The following DMWD variants were observed in gnomAD, a reference collection of about 807,000 sequenced individuals.
DMWD encodes the protein dystrophia myotonica WD repeat-containing protein.
DMWD carries 19 observed loss-of-function variants against 45.8 expected under a neutral mutation model. The observed-to-expected ratio is 0.41, with a 90% CI of 0.29 to 0.61. DMWD has a LOEUF of 0.61. DMWD is among the 20% of genes least tolerant of loss of function. The pLI, the probability that DMWD is intolerant of heterozygous loss-of-function variation, is 0.25. For synonymous variants in DMWD, 515 were observed against 440.5 expected (o/e 1.17, Z -2.12); for missense variants, 802 against 965.2 (o/e 0.83, Z 2.24).
chr19:45,788,626 G>A (rs1431779669), intron 2 of DMWD, among the ~76,000 whole-genome samples: 3 of 152,142 alleles, frequency 2.0e-5, no homozygotes, highest in Non-Finnish European at 2.9e-5. Context: ...AGCTGGCCCC[G>A]ATACTCAGAA....
rs369134551 is a variant in DMWD, at chr19:45,786,182, C to T, written c.1314G>A (p.Thr438=). ...TYRFGSAGQD[T]QFCLWDLTED... is the part of the protein sequence containing the mutation. Reference sequence around the variant, plus strand: ...CAGTGAGGTCCCACAGGCAGAACTGCGTGTCCTGGCCCGCCGAGCCAAAGC... The same window carrying T: ...CAGTGAGGTCCCACAGGCAGAACTGTGTGTCCTGGCCCGCCGAGCCAAAGC... The change falls in exon 3 of 5, where the codon ACG becomes ACA. Residue 438 remains threonine, a synonymous_variant. Coordinates refer to ENST00000270223, the MANE Select transcript of DMWD (RefSeq NM_004943.2). 4.1e-5 allele frequency: 66 copies of T among 1,603,366 alleles called. 1 individual carries two copies. The South Asian group carries it at 4.3e-4, about 11-fold the overall frequency.
At chr19:45,784,741 A>G in intron 3 of DMWD, 26 bp from the exon 4 acceptor site, 1 of 1,610,644 alleles carries the variant, frequency 6.2e-7, no homozygotes, top group Non-Finnish European at 8.5e-7. Flanking sequence ...GGTCTCTTTT[A>G]GGACTCAACC....
rs150488722 is a variant in DMWD, at chr19:45,788,042, A to C, written c.625-1171T>G. ...CAGTGAGGGGAGATCATGCCACTGTACTCCAGCCTGGGCGACAGAGCGAGA... is the reference window on the plus strand; with the variant it reads ...CAGTGAGGGGAGATCATGCCACTGTCCTCCAGCCTGGGCGACAGAGCGAGA... On this transcript the variant is annotated intron_variant, in intron 2 of 4. Coordinates refer to ENST00000270223, the MANE Select transcript of DMWD (RefSeq NM_004943.2). 6.1e-3 allele frequency among the ~76,000 whole-genome samples: 927 copies of C among 151,908 alleles called. 9 individuals are homozygous for C. Among genetic ancestry groups the C allele is most frequent in the African/African-American group, 0.021 (875 of 41,416 alleles).
intron 3 of DMWD, chr19:45,785,195 C>T: frequency 9.7e-7 from 1 of 1,025,748 alleles, no homozygotes; most frequent in Non-Finnish European, 1.2e-6. Flanking sequence ...TGCCCACAGG[C>T]TTGAGCTCGC....
chr19:45,786,129 A>AG lies in DMWD; in HGVS notation c.1366dup (p.Leu456ProfsTer236), dbSNP rs746317972. The AG allele has an allele frequency of 5.2e-6, 8 of 1,530,282 alleles. No individual in the cohort carries two copies. The highest frequency in any genetic ancestry group is 1.2e-5 in the South Asian group (1 of 80,516). The allele number at this position is 1,530,282 out of a possible 1,614,324, so 94.8% of individuals were successfully genotyped here. A position where few individuals can be genotyped will look rare whatever the true frequency, so the allele number is the denominator to read the frequency against. ...GCCAGGGAGGGTGCGGGTGCGGGCCAGGGGGGGGTGCGGGTAGAGCACGTC... is the reference window on the plus strand; with the variant it reads ...GCCAGGGAGGGTGCGGGTGCGGGCCAGGGGGGGGGTGCGGGTAGAGCACGTC... On this transcript the variant is annotated frameshift_variant, in exon 3 of 5. Transcript: ENST00000270223. LOFTEE classifies it high-confidence loss of function.
At position 45,792,329 on chromosome 19, in the gene DMWD, C is replaced by T. The variant is rs779949643; in HGVS notation, c.428G>A (p.Arg143His). ...ELYFYPGCCR[R>H]GSQRSIDLNK... ...CAGGCCGCTCACCCGTTGGCTCCCA[C>T]GACGACAGCAGCCTGGGTAGAAATA... Residue 143 changes from arginine to histidine, a missense_variant, in exon 1 of 5, where the codon CGT becomes CAT. Physicochemically the swap from Arg to His is conservative, Grantham distance 29. This residue lies in a region of DMWD where 82 missense variants were observed against 92.9 expected (regional missense o/e 0.88). Transcript: ENST00000270223. 6.2e-7 allele frequency: 1 copy of T among 1,610,092 alleles called. No homozygotes were observed. The highest frequency in any genetic ancestry group is 8.5e-7 in the Non-Finnish European group (1 of 1,177,984).
chr19:45,790,793 C>T (rs778288221), intron 2 of DMWD, 112 bp downstream of exon 2: 1 of 1,256,708 alleles, frequency 8.0e-7, no homozygotes, highest in Admixed American at 2.4e-5. Flanking sequence ...CCATCTCTCC[C>T]TGGTCCTGCC....
In DMWD at chr19:45,785,785, T is replaced by C; in HGVS notation, c.1711A>G (p.Ser571Gly). The change falls in exon 3 of 5, where the codon AGC (serine) becomes GGC (glycine). Residue 571 changes from serine to glycine, a missense_variant. This residue lies in a region of DMWD where 303 missense variants were observed against 332.9 expected (regional missense o/e 0.91). Transcript: ENST00000270223. ...GEKPSGPVPR[S>G]RLDPAKVLGT... is the part of the protein sequence containing the mutation. Reference sequence around the variant, plus strand: ...AGCACCTTGGCGGGGTCCAGGCGGCTGCGGGGAACAGGGCCGCTGGGCTTC... The same window carrying C: ...AGCACCTTGGCGGGGTCCAGGCGGCCGCGGGGAACAGGGCCGCTGGGCTTC... 10 of 1,611,784 alleles carry C rather than the reference T, an allele frequency of 6.2e-6. No homozygotes were observed. The highest frequency in any genetic ancestry group is 1.3e-5 in the African/African-American group (1 of 75,024).
At chr19:45,785,427 T>C in intron 3 of DMWD, 167 bp downstream of exon 3, 1 of 1,343,266 alleles carries the variant, frequency 7.4e-7, no homozygotes, top group South Asian at 2.1e-5. Flanking sequence ...CCCCTCACTC[T>C]AAGGATCTGA....
intron 1 of DMWD, among the ~76,000 whole-genome samples, 199 bp from the exon 2 acceptor site, chr19:45,791,286 G>A (rs1970354464): frequency 1.3e-5 from 2 of 152,032 alleles, no homozygotes; most frequent in Non-Finnish European, 2.9e-5. Context: ...TAGCAAAAAA[G>A]ATGGTAAGGA....
At chr19:45,790,136 G>A (rs1360090654) in intron 2 of DMWD, 4 of 151,826 alleles carry the variant, frequency 2.6e-5, no homozygotes, top group Admixed American at 1.3e-4. Context: ...GGGCGACAGA[G>A]CGAGACTCCA....
rs1181319678 is a variant in DMWD at position 45,783,469 on chromosome 19, T to C, written c.*774A>G. The C allele has an allele frequency of 1.0e-5, 4 of 397,830 alleles. No individual in the cohort carries two copies. The highest frequency in any genetic ancestry group is 2.1e-5 in the African/African-American group (1 of 48,584). 24.6% of individuals were successfully genotyped at this position (397,830 alleles called of 1,614,324 possible). A position where few individuals can be genotyped will look rare whatever the true frequency, so the allele number is the denominator to read the frequency against. On this transcript the variant is annotated 3_prime_UTR_variant, in exon 5 of 5. Coordinates refer to ENST00000270223, the MANE Select transcript of DMWD (RefSeq NM_004943.2). The stretch of plus-strand genomic sequence containing the variant: ...GATAATTTAAAAAACACCGAGGACT[T>C]TGATGAGGGGCCCTGGCTGCGGGCA...
rs770244262 is a variant in DMWD, at chr19:45,786,893, G to C, written c.625-22C>G. ...ACCGCTGCCAGGGGAGACAGTGTGG[G>C]GTTGGGAGAAGGCAGTAAAACCCAG... On this transcript the variant is annotated intron_variant, in intron 2 of 4. Transcript: ENST00000270223. 17 of 1,606,658 alleles carry C rather than the reference G, an allele frequency of 1.1e-5. No individual in the cohort carries two copies. The African/African-American group carries it at 2.1e-4, about 20-fold the overall frequency.
intron 2 of DMWD, among the ~76,000 whole-genome samples, chr19:45,787,828 G>A (rs1363039842): frequency 6.6e-6 from 1 of 152,226 alleles, no homozygotes; most frequent in East Asian, 1.9e-4. Context: ...AGCACTTTGG[G>A]AGGCTGAGGC....
chr19:45,791,486 T>C (rs1210800848), intron 1 of DMWD, among the ~76,000 whole-genome samples: 1 of 152,082 alleles, frequency 6.6e-6, no homozygotes, highest in Non-Finnish European at 1.5e-5. Context: ...CCCCCAAACC[T>C]TGAGGTCACC....
intron 4 of DMWD, 79 bp from the exon 5 acceptor site, chr19:45,784,369 C>T: frequency 7.1e-7 from 1 of 1,409,458 alleles, no homozygotes; most frequent in Non-Finnish European, 9.6e-7. Context: ...AGGGAGCCAG[C>T]CCAGAGTCCC....
chr19:45,788,748 A>G (rs532612428), intron 2 of DMWD, among the ~76,000 whole-genome samples: 80 of 148,552 alleles, frequency 5.4e-4, no homozygotes, highest in African/African-American at 1.9e-3. Flanking sequence ...GGGCAACACA[A>G]AGAGACCCCG....
At chr19:45,792,197 C>T (rs984028661) in intron 1 of DMWD, 119 bp downstream of exon 1, 44 of 1,399,482 alleles carry the variant, frequency 3.1e-5, no homozygotes, top group Non-Finnish European at 3.6e-5. Flanking sequence ...CGCCCTACAA[C>T]GTCCATCACA....
intron 1 of DMWD, 127 bp from the exon 2 acceptor site, chr19:45,791,214 A>T (rs1331592577): frequency 1.0e-6 from 1 of 962,522 alleles, no homozygotes; most frequent in Non-Finnish European, 1.5e-6. Flanking sequence ...GGAGGTGAGT[A>T]GGTGGATTGC....
Sources: gnomAD v4.1 joint callset for allele counts (sites outside exome capture counted in the v4.1 genomes callset) on GRCh38, gnomAD v4.1.1 for gene constraint, gnomAD v4.1.1 regional missense constraint, MANE v1.5 for transcripts, NCBI Gene and HGNC (gene_info 2026-07-23, HGNC 2026-07-21) for gene names.